GRAMD4: variants seen among roughly 807,000 people sequenced by gnomAD.
The protein encoded by GRAMD4 is GRAM domain containing 4, also known as GRAM domain-containing protein 4.
GRAMD4 carries 25 observed loss-of-function variants against 83.9 expected under a neutral mutation model. The observed-to-expected ratio is 0.30, with a 90% CI of 0.22 to 0.42. The LOEUF (loss-of-function observed/expected upper bound fraction) is 0.42. GRAMD4 is among the 10% of genes least tolerant of loss of function. The pLI is 1.00. For synonymous variants in GRAMD4, 336 were observed against 320.9 expected (o/e 1.05, Z -0.50); for missense variants, 593 against 788.7 (o/e 0.75, Z 2.97).
rs556381065 is a variant in GRAMD4, at chr22:46,592,881, A to G, written c.-50+15591A>G. On this transcript the variant is annotated intron_variant, in intron 1 of 1. Transcript: ENST00000431155. ...AATTTTGGCAATAAAAAGAGCCTAT[A>G]TGACCTATTTATGAAGTATTCCAGA... Among the ~76,000 whole-genome samples the G allele has an allele frequency of 3.3e-5, 5 of 152,332 alleles. No homozygotes were observed. In the South Asian group the frequency reaches 6.2e-4, roughly 19 times the overall value.
Position 46,674,717 on chromosome 22 carries a change from A to G in GRAMD4, c.1445A>G (p.Tyr482Cys). The G allele has an allele frequency of 6.2e-7, 1 of 1,612,642 alleles. No homozygotes were observed. Among genetic ancestry groups the G allele is most frequent in the Non-Finnish European group, 8.5e-7 (1 of 1,179,326 alleles). ...AGGGACCGGAAGATGCCCACGGACTACATCAGGAACGGGGTGCTCTACGTC... is the reference window on the plus strand; with the variant it reads ...AGGGACCGGAAGATGCCCACGGACTGCATCAGGAACGGGGTGCTCTACGTC... ...INRDRKMPTD[Y>C]IRNGVLYVTE... The change falls in exon 16 of 19, where the codon TAC (tyrosine) becomes TGC (cysteine). Residue 482 changes from tyrosine (Y) to cysteine (C), a missense_variant. Coordinates refer to ENST00000406902, the MANE Select transcript of GRAMD4 (RefSeq NM_015124.5).
At position 46,583,952 on chromosome 22, in the gene GRAMD4, A is replaced by AG. The variant is rs1301163926; in HGVS notation, c.-50+6668dup. Reference sequence around the variant, plus strand: ...TGTCACTGATGTGGCCTTCTTCTTCAGGGGGGTCTGTCTCTTCTCCCCATT... The same window carrying AG: ...TGTCACTGATGTGGCCTTCTTCTTCAGGGGGGGTCTGTCTCTTCTCCCCATT... On this transcript the variant is annotated intron_variant, in intron 1 of 1. Coordinates refer to the GRAMD4 transcript ENST00000431155. Among the ~76,000 whole-genome samples the AG allele has an allele frequency of 4.6e-5, 7 of 152,264 alleles. 1 individual carries two copies. The East Asian group carries it at 1.2e-3, about 25-fold the overall frequency.
chr22:46,624,474 G>A (rs1157274689), intron 1 of GRAMD4, among the ~76,000 whole-genome samples: 2 of 151,650 alleles, frequency 1.3e-5, no homozygotes, highest in African/African-American at 2.4e-5. Context: ...GACTACAGGT[G>A]CCCGCCACCA....
At chr22:46,665,491 T>C in intron 8 of GRAMD4, 124 bp from the exon 9 acceptor site, 1 of 616,678 alleles carries the variant, frequency 1.6e-6, no homozygotes, top group South Asian at 1.8e-5. Flanking sequence ...TCCCTGAGTG[T>C]CTGGAGAGCC....
chr22:46,593,380 C>T (rs935049137), intron 1 of GRAMD4, among the ~76,000 whole-genome samples: 6 of 152,040 alleles, frequency 3.9e-5, no homozygotes, highest in African/African-American at 1.4e-4. Context: ...GTGAAAGGGA[C>T]GTTGTTGTTC....
At chr22:46,680,342 TGCCTA>T (rs964904355), downstream of GRAMD4, among the ~76,000 whole-genome samples, 1 of 151,924 alleles carries the variant, frequency 6.6e-6, no homozygotes, top group African/African-American at 2.4e-5. Context: ...CACCTGGTGC[TGCCTA>T]GCCTCCTGTG....
chr22:46,664,297 GGGGTGGCTTCAAGGATCAAA>G (rs1258641810), intron 8 of GRAMD4, among the ~76,000 whole-genome samples, 180 bp downstream of exon 8: 11 of 152,354 alleles, frequency 7.2e-5, no homozygotes, highest in African/African-American at 2.6e-4. Context: ...GCCCAGCCAT[GGGGTGGCTTCAAGGATCAAA>G]GATGTTGGGC....
At chr22:46,643,279 C>CCA in intron 3 of GRAMD4, among the ~76,000 whole-genome samples, 1 of 151,656 alleles carries the variant, frequency 6.6e-6, no homozygotes. Context: ...GTCCATCCAT[C>CCA]TATCCATCCA....
chr22:46,594,150 C>T lies in GRAMD4; in HGVS notation c.-50+16860C>T, dbSNP rs372563992. On this transcript the variant is annotated intron_variant, in intron 1 of 1. Transcript: ENST00000431155. ...TCCTGCCAGCCCCACCCCAGCATCC[C>T]GCCAGCCCCTCCCCAGCTGCCCCAC... 1.3e-4 allele frequency among the ~76,000 whole-genome samples: 20 copies of T among 151,342 alleles called. No individual in the cohort carries two copies. The East Asian group carries it at 1.4e-3, about 10-fold the overall frequency.
chr22:46,577,976 G>A (rs1176942059), intron 1 of GRAMD4, among the ~76,000 whole-genome samples: 1 of 152,214 alleles, frequency 6.6e-6, no homozygotes, highest in Non-Finnish European at 1.5e-5. Flanking sequence ...GGACAAGGGA[G>A]GGAGGAGAGC....
chr22:46,636,437 G>A (rs1033597598), intron 2 of GRAMD4, among the ~76,000 whole-genome samples: 10 of 152,228 alleles, frequency 6.6e-5, no homozygotes, highest in African/African-American at 1.7e-4. Context: ...GTGGGAGGTC[G>A]GGCACCCAGA....
Position 46,672,840 on chromosome 22 carries a change from C to G in GRAMD4, c.1085-3C>G. The G allele has an allele frequency of 6.2e-7, 1 of 1,610,820 alleles. No homozygotes were observed. Among genetic ancestry groups the G allele is most frequent in the East Asian group, 2.2e-5 (1 of 44,870 alleles). On this transcript the variant is annotated splice_region_variant and splice_polypyrimidine_tract_variant and intron_variant, in intron 13 of 18. Transcript: ENST00000406902. The surrounding 1 kb of genome is among the most constrained non-coding windows in gnomAD (Gnocchi z 4.7). The stretch of plus-strand genomic sequence containing the variant: ...TGGAGCAGGCTGTGTCCCCTGCCCT[C>G]AGGACTCTATGCTGGTATCAAGTTC...
At chr22:46,649,997 G>A in intron 3 of GRAMD4, among the ~76,000 whole-genome samples, 1 of 152,212 alleles carries the variant, frequency 6.6e-6, no homozygotes, top group East Asian at 1.9e-4. Context: ...GGGCTGAATT[G>A]GGCTGGGAGA....
chr22:46,600,557 G>A (rs753629735), intron 1 of GRAMD4, among the ~76,000 whole-genome samples: 6 of 152,180 alleles, frequency 3.9e-5, no homozygotes, highest in Non-Finnish European at 8.8e-5. Flanking sequence ...AAGAGGGACA[G>A]GGATGCTGAG....
At position 46,663,077 on chromosome 22, in the gene GRAMD4, G is replaced by A. The variant is rs758385524; in HGVS notation, c.504G>A (p.Lys168=). ...AGGGGCTGTCCTCGCGCCTGCAGAA[G>A]TGGTTCTACGAGCGGTTTGGGGAGT... The part of the protein sequence containing the change: ...RSQGLSSRLQ[K]WFYERFGEYV... Residue 168 remains lysine, a synonymous_variant, in exon 6 of 19, where the codon AAG becomes AAA. Coordinates refer to ENST00000406902, the MANE Select transcript of GRAMD4 (RefSeq NM_015124.5). The A allele has an allele frequency of 1.2e-6, 2 of 1,612,260 alleles. No homozygotes were observed. Among genetic ancestry groups the A allele is most frequent in the South Asian group, 2.2e-5 (2 of 91,054 alleles).
chr22:46,605,765 C>T (rs968062038), intron 1 of GRAMD4, among the ~76,000 whole-genome samples: 7 of 142,776 alleles, frequency 4.9e-5, no homozygotes, highest in East Asian at 4.3e-4. Context: ...GGCCTATGGC[C>T]GGTGCTGAGC....
At chr22:46,653,587 G>T (rs535346271) in intron 3 of GRAMD4, among the ~76,000 whole-genome samples, 7 of 152,334 alleles carry the variant, frequency 4.6e-5, no homozygotes, top group Non-Finnish European at 1.0e-4. Context: ...GTGCTCTGCC[G>T]CGTGGTGGAA....
intron 1 of GRAMD4, among the ~76,000 whole-genome samples, chr22:46,585,766 C>T (rs1349426435): frequency 1.3e-5 from 2 of 152,240 alleles, no homozygotes; most frequent in South Asian, 4.1e-4. Flanking sequence ...AGGGAGGGAG[C>T]GACAAGGAGG....
intron 1 of GRAMD4, among the ~76,000 whole-genome samples, chr22:46,586,578 C>T (rs1453955691): frequency 6.6e-6 from 1 of 152,208 alleles, no homozygotes; most frequent in East Asian, 1.9e-4. Context: ...GGCCTAGCCC[C>T]ATGACACAGA....
Sources: allele counts gnomAD v4.1 joint callset (sites outside exome capture counted in the v4.1 genomes callset), GRCh38; gene constraint gnomAD v4.1.1; non-coding constraint Gnocchi (gnomAD v3.1); transcripts MANE v1.5; gene names NCBI Gene and HGNC (gene_info 2026-07-23, HGNC 2026-07-21).